The following DEGS2 variants were observed in gnomAD, a reference collection of about 807,000 sequenced individuals.
DEGS2 encodes the protein sphingolipid delta(4)-desaturase/C4-monooxygenase DES2.
Under a neutral mutation model 23.8 loss-of-function variants are expected in DEGS2, and 19 were observed. The observed-to-expected ratio is 0.80, with a 90% CI of 0.56 to 1.17. DEGS2 has a LOEUF of 1.17. DEGS2 is among the 50% of genes most tolerant of loss of function. The pLI is 0.00. For synonymous variants in DEGS2, 218 were observed against 213.7 expected (o/e 1.02, Z -0.18); for missense variants, 390 against 459.5 (o/e 0.85, Z 1.38).
chr14:100,148,681 C>T (rs77419298), intron 2 of DEGS2, among the ~76,000 whole-genome samples: 7,839 of 152,334 alleles, frequency 0.051, 276 homozygotes, highest in Non-Finnish European at 0.074. Context: ...TGCTGCCCCT[C>T]TTCAAGGAAG....
chr14:100,165,516 G>A, the DEGS2 span, among the ~76,000 whole-genome samples: 1 of 152,238 alleles, frequency 6.6e-6, no homozygotes, highest in Non-Finnish European at 1.5e-5. Context: ...TTCAAGCAGT[G>A]GGCGCAGCTA....
intron 2 of DEGS2, 41 bp downstream of exon 2, chr14:100,148,927 C>CA (rs754734385): frequency 3.4e-5 from 54 of 1,585,422 alleles, no homozygotes; most frequent in Non-Finnish European, 4.6e-5. Flanking sequence ...GATGGCTGTG[C>CA]AGCCCTGCCC....
chr14:100,156,934 G>A lies in DEGS2; in HGVS notation c.82+2572C>T, dbSNP rs370634146. Among the ~76,000 whole-genome samples the A allele has an allele frequency of 5.3e-5, 8 of 152,346 alleles. 1 individual carries two copies. The highest frequency in any genetic ancestry group is 1.9e-4 in the African/African-American group (8 of 41,594). ...CTGCTTCCGCCCTGCAGGAAAGGGAGCGTGGACCAAGCTGGAGGGCCCGCC... is the reference window on the plus strand; with the variant it reads ...CTGCTTCCGCCCTGCAGGAAAGGGAACGTGGACCAAGCTGGAGGGCCCGCC... On this transcript the variant is annotated intron_variant, in intron 1 of 2. Coordinates refer to ENST00000305631, the MANE Select transcript of DEGS2 (RefSeq NM_206918.3).
chr14:100,148,018 C>T (rs183468248), intron 2 of DEGS2, among the ~76,000 whole-genome samples: 4 of 152,332 alleles, frequency 2.6e-5, no homozygotes, highest in East Asian at 1.9e-4. Context: ...TGCAGAGCAC[C>T]GCCTTGGTAC....
rs780615159 is a variant in DEGS2, at chr14:100,159,569, G to C, written c.19C>G (p.Arg7Gly). 1 of 1,498,848 alleles carries C rather than the reference G, an allele frequency of 6.7e-7. No homozygotes were observed. Among genetic ancestry groups the C allele is most frequent in the South Asian group, 1.3e-5 (1 of 79,482 alleles). 92.8% of individuals were successfully genotyped at this position (1,498,848 alleles called of 1,614,324 possible). The change falls in exon 1 of 3, where the codon CGC (arginine) becomes GGC (glycine). Residue 7 changes from arginine (R) to glycine (G), a missense_variant. Transcript: ENST00000305631. MGNSAS[R>G]SDFEWVYTDQ... ...GTGTAGACCCACTCGAAGTCGCTGC[G>C]GCTCGCGCTGTTGCCCATGGTGGGG...
chr14:100,166,613 C>T, the DEGS2 span, among the ~76,000 whole-genome samples: 3 of 152,060 alleles, frequency 2.0e-5, no homozygotes, highest in South Asian at 2.1e-4. Flanking sequence ...ACCAGGGGGC[C>T]GCGCTCAAAG....
chr14:100,149,790 G>T, intron 1 of DEGS2, 80 bp from the exon 2 acceptor site: 2 of 1,435,104 alleles, frequency 1.4e-6, no homozygotes, highest in African/African-American at 1.4e-5. Context: ...TGCAGTGGCC[G>T]AGGGGTGAGA....
chr14:100,159,167 T>C (rs1889707554), intron 1 of DEGS2, among the ~76,000 whole-genome samples: 1 of 151,720 alleles, frequency 6.6e-6, no homozygotes, highest in Non-Finnish European at 1.5e-5. Flanking sequence ...TCGTAGCGCG[T>C]CCCGGGGCCG....
At chr14:100,150,862 C>T (rs998127578) in intron 1 of DEGS2, among the ~76,000 whole-genome samples, 1 of 152,152 alleles carries the variant, frequency 6.6e-6, no homozygotes. Flanking sequence ...AGGACAGCAG[C>T]GCCCACCCTA....
chr14:100,151,636 C>T (rs1889573976), intron 1 of DEGS2, among the ~76,000 whole-genome samples: 1 of 152,244 alleles, frequency 6.6e-6, no homozygotes, highest in Admixed American at 6.5e-5. Context: ...GGAGCAGGAG[C>T]TCCATGACAG....
At chr14:100,162,653 A>C (rs1203512929), upstream of DEGS2, among the ~76,000 whole-genome samples, 2 of 152,188 alleles carry the variant, frequency 1.3e-5, no homozygotes, top group South Asian at 2.1e-4. Context: ...GACTCTTTGG[A>C]CTGGAAACTG....
Position 100,149,650 on chromosome 14 carries a change from A to G in DEGS2, c.143T>C (p.Leu48Pro). ...RPDPRLKWAVLVLVLVQMLAC... is the reference protein window; with the variant it reads ...RPDPRLKWAVPVLVLVQMLAC... Reference sequence around the variant, plus strand: ...CAGCATCTGCACCAGCACCAGCACCAGCACCGCCCACTTGAGGCGCGGGTC... The same window carrying G: ...CAGCATCTGCACCAGCACCAGCACCGGCACCGCCCACTTGAGGCGCGGGTC... The change falls in exon 2 of 3, where the codon CTG (leucine) becomes CCG (proline). Residue 48 changes from leucine to proline, a missense_variant. Leu to Pro is a moderately conservative substitution (Grantham distance 98, BLOSUM62 -3). Transcript: ENST00000305631. 1 of 1,611,922 alleles carries G rather than the reference A, an allele frequency of 6.2e-7. No individual in the cohort carries two copies. Among genetic ancestry groups the G allele is most frequent in the Non-Finnish European group, 8.5e-7 (1 of 1,179,536 alleles).
chr14:100,165,302 G>A, the DEGS2 span, among the ~76,000 whole-genome samples: 2 of 152,232 alleles, frequency 1.3e-5, no homozygotes, highest in East Asian at 1.9e-4. Context: ...TGCCTTGACT[G>A]TTTCTTCCCA....
At chr14:100,159,413 C>A (rs963482597) in intron 1 of DEGS2, 93 bp downstream of exon 1, 12 of 1,038,902 alleles carry the variant, frequency 1.2e-5, no homozygotes, top group Non-Finnish European at 1.4e-5. Context: ...TGGGCCAGAG[C>A]TGGAGCGGCC....
chr14:100,148,121 G>T (rs975840827), intron 2 of DEGS2, among the ~76,000 whole-genome samples: 9 of 152,180 alleles, frequency 5.9e-5, no homozygotes, highest in Admixed American at 2.0e-4. Context: ...ACGCATACAG[G>T]GACGTGTGCA....
rs1329974867 is a variant in DEGS2 at position 100,145,441 on chromosome 14, A to T, written c.*1320T>A. On this transcript the variant is annotated 3_prime_UTR_variant, in exon 3 of 3. Transcript: ENST00000305631. ...CACTCAGCAGGCTGCCCACTCGGAC[A>T]TGGGAGGCCGGCGCTGTGCGGGGCC... 1 of 152,276 alleles carries T rather than the reference A, an allele frequency of 6.6e-6. No individual in the cohort carries two copies. Among genetic ancestry groups the T allele is most frequent in the Non-Finnish European group, 1.5e-5 (1 of 68,096 alleles). 9.4% of individuals were successfully genotyped at this position (152,276 alleles called of 1,614,324 possible). A position where few individuals can be genotyped will look rare whatever the true frequency, so the allele number is the denominator to read the frequency against.
chr14:100,147,669 C>G (rs1448824263), intron 2 of DEGS2, among the ~76,000 whole-genome samples: 2 of 147,518 alleles, frequency 1.4e-5, no homozygotes, highest in Non-Finnish European at 3.0e-5. Context: ...CCCCCCCCCC[C>G]CAGGATGCCT....
At chr14:100,148,358 A>T (rs1427627211) in intron 2 of DEGS2, among the ~76,000 whole-genome samples, 1 of 152,220 alleles carries the variant, frequency 6.6e-6, no homozygotes, top group Non-Finnish European at 1.5e-5. Context: ...TGCCACAGGT[A>T]ACTCCAGCTC....
chr14:100,147,658 G>GCCCCC (rs10709140), intron 2 of DEGS2, among the ~76,000 whole-genome samples: 33 of 81,360 alleles, frequency 4.1e-4, no homozygotes, highest in East Asian at 1.4e-3. Flanking sequence ...TGCCCTCCCT[G>GCCCCC]CCCCCCCCCC....
Sources: allele counts gnomAD v4.1 joint callset (sites outside exome capture counted in the v4.1 genomes callset), GRCh38; gene constraint gnomAD v4.1.1; transcripts MANE v1.5; gene names NCBI Gene and HGNC (gene_info 2026-07-23, HGNC 2026-07-21).